Variants in PRXL2A observed in about 807,000 individuals in gnomAD.
The protein encoded by PRXL2A is peroxiredoxin like 2A, also known as peroxiredoxin-like 2A.
A neutral mutation model predicts 25.6 loss-of-function variants in PRXL2A; 26 were observed. The ratio of observed to expected loss-of-function variants is 1.02; its 90% CI spans 0.74 to 1.41. The LOEUF (loss-of-function observed/expected upper bound fraction) is 1.41, where lower values mean the gene tolerates loss of function less well. Among genes scored for constraint, PRXL2A ranks in the 40% most tolerant of loss-of-function variants. The pLI is 0.00. For missense variants in PRXL2A, 246 were observed against 273.9 expected, an observed-to-expected ratio of 0.90 and a Z score of 0.72; for synonymous variants, 98 against 102.9, an observed-to-expected ratio of 0.95 and a Z score of 0.29.
chr10:80,434,986 G>C lies in PRXL2A; in HGVS notation c.*2887G>C, dbSNP rs548644728. The C allele has an allele frequency of 1.5e-4, 23 of 152,370 alleles. No homozygotes were observed. Among genetic ancestry groups the C allele is most frequent in the African/African-American group, 5.5e-4 (23 of 41,592 alleles). The allele number at this position is 152,370 out of a possible 1,614,324, so 9.4% of individuals were successfully genotyped here. ...CCCAGCACTTTGGGTGGCCAAGGTG[G>C]GTGCATCACCTGAGGTCAGGAGTTC... is the stretch of plus-strand genomic sequence containing the variant. On this transcript the variant is annotated 3_prime_UTR_variant, in exon 6 of 6. Coordinates refer to ENST00000606162, the MANE Select transcript of PRXL2A (RefSeq NM_032333.5).
chr10:80,426,033 A>G lies in PRXL2A; in HGVS notation c.411+27A>G, dbSNP rs116495344. On this transcript the variant is annotated intron_variant, in intron 4 of 5. Transcript: ENST00000606162. ...TGTGTGTGATGGGAGGCTTTTAGAC[A>G]CAGACTGCTGGGGATTGTGCTCAGC... The G allele has an allele frequency of 1.7e-3, 2,699 of 1,613,758 alleles. 24 individuals are homozygous for G. The African/African-American group carries it at 0.03, about 18-fold the overall frequency.
chr10:80,412,166 C>A (rs1564687458), intron 1 of PRXL2A, among the ~76,000 whole-genome samples: 1 of 152,116 alleles, frequency 6.6e-6, no homozygotes, highest in Non-Finnish European at 1.5e-5. Flanking sequence ...AGAGCTAAGA[C>A]AACCTCATAG....
intron 3 of PRXL2A, 90 bp downstream of exon 3, chr10:80,422,598 G>C: frequency 1.1e-6 from 1 of 937,794 alleles, no homozygotes; most frequent in Non-Finnish European, 1.7e-6. Context: ...CGGTAAGCCA[G>C]CTTTAGCCTT....
At chr10:80,422,981 A>G (rs1372913320) in intron 3 of PRXL2A, among the ~76,000 whole-genome samples, 17 of 152,218 alleles carry the variant, frequency 1.1e-4, no homozygotes, top group South Asian at 2.1e-4. Flanking sequence ...GGGAGCTCTT[A>G]GAGTCCATCG....
chr10:80,408,852 C>T (rs867238634), intron 1 of PRXL2A, among the ~76,000 whole-genome samples: 26 of 152,312 alleles, frequency 1.7e-4, no homozygotes, highest in African/African-American at 5.0e-4. Flanking sequence ...CGCCACCCTG[C>T]GTGGCGGCCG....
chr10:80,431,196 C>T (rs1819361480), intron 5 of PRXL2A, among the ~76,000 whole-genome samples: 1 of 152,052 alleles, frequency 6.6e-6, no homozygotes. Flanking sequence ...CAGCACGCAG[C>T]CTATTAGTAT....
At chr10:80,431,651 C>T (rs1228977065) in intron 5 of PRXL2A, among the ~76,000 whole-genome samples, 1 of 152,062 alleles carries the variant, frequency 6.6e-6, no homozygotes, top group Non-Finnish European at 1.5e-5. Flanking sequence ...ATTTTTTTCT[C>T]TTCACCTGGT....
At chr10:80,426,156 T>C in intron 4 of PRXL2A, 150 bp downstream of exon 4, 1 of 881,998 alleles carries the variant, frequency 1.1e-6, no homozygotes, top group Non-Finnish European at 1.8e-6. Flanking sequence ...TTCAGCCCCC[T>C]GAGCAGAGCA....
At chr10:80,410,781 A>T (rs933482961) in intron 1 of PRXL2A, among the ~76,000 whole-genome samples, 1 of 152,146 alleles carries the variant, frequency 6.6e-6, no homozygotes, top group African/African-American at 2.4e-5. Context: ...ATCCACACCC[A>T]TATAACTTGA....
chr10:80,423,933 C>T (rs575568507), intron 3 of PRXL2A, among the ~76,000 whole-genome samples: 15 of 152,174 alleles, frequency 9.9e-5, no homozygotes, highest in Non-Finnish European at 2.1e-4. Flanking sequence ...TGTTAGAGGC[C>T]ACCTATGTAT....
chr10:80,408,392 G>GCACAGGCCCGAGCGC (rs1844340116), upstream of PRXL2A: 1 of 152,100 alleles, frequency 6.6e-6, no homozygotes, highest in African/African-American at 2.4e-5. Flanking sequence ...GACCGCTGGG[G>GCACAGGCCCGAGCGC]CACACGCCCG....
intron 5 of PRXL2A, 70 bp from the exon 6 acceptor site, chr10:80,431,916 G>A: frequency 3.7e-6 from 4 of 1,084,636 alleles, no homozygotes; most frequent in South Asian, 2.6e-5. Context: ...CAGACAGCTG[G>A]TCCTCGATGC....
At chr10:80,431,097 C>T (rs564127635) in intron 5 of PRXL2A, among the ~76,000 whole-genome samples, 35 of 152,224 alleles carry the variant, frequency 2.3e-4, no homozygotes, top group Admixed American at 7.2e-4. Flanking sequence ...CGAGTTTCAC[C>T]GTGTTGGCCA....
At position 80,422,496 on chromosome 10, in the gene PRXL2A, C is replaced by T. The variant is rs1420686002; in HGVS notation, c.258C>T (p.Phe86=). 3 of 1,613,756 alleles carry T rather than the reference C, an allele frequency of 1.9e-6. No individual in the cohort carries two copies. The highest frequency in any genetic ancestry group is 2.5e-6 in the Non-Finnish European group (3 of 1,179,822). Residue 86 remains phenylalanine, a synonymous_variant, in exon 3 of 6, where the codon TTC becomes TTT. Transcript: ENST00000606162. ...TGGCCGTGCGGAGGCCAGGCTGTTT[C>T]CTCTGTCGAGAGGTGAGTGCAGATG... ...VIMAVRRPGC[F]LCREEAADLS...
intron 3 of PRXL2A, 25 bp from the exon 4 acceptor site, chr10:80,425,841 C>T (rs534227355): frequency 6.2e-7 from 1 of 1,614,016 alleles, no homozygotes; most frequent in South Asian, 1.1e-5. Context: ...GGACAGATGT[C>T]CCTGAACCCT....
chr10:80,428,009 A>G (rs549566882), intron 5 of PRXL2A, among the ~76,000 whole-genome samples: 24 of 152,324 alleles, frequency 1.6e-4, no homozygotes, highest in Admixed American at 1.5e-3. Flanking sequence ...GATAGAAAAA[A>G]AAATAAGAGG....
At chr10:80,417,164 G>C (rs961605500) in intron 1 of PRXL2A, among the ~76,000 whole-genome samples, 1 of 152,218 alleles carries the variant, frequency 6.6e-6, no homozygotes, top group Non-Finnish European at 1.5e-5. Flanking sequence ...TGGTTACAGA[G>C]AGATAAACAA....
At chr10:80,427,645 G>A in intron 5 of PRXL2A, 149 bp downstream of exon 5, 2 of 722,178 alleles carry the variant, frequency 2.8e-6, no homozygotes, top group Middle Eastern at 3.1e-4. Context: ...AGAAGGGAAG[G>A]GAAGGCAGTT....
chr10:80,414,017 A>C (rs1844565901), intron 1 of PRXL2A: 1 of 265,644 alleles, frequency 3.8e-6, no homozygotes, highest in Middle Eastern at 4.9e-4. Context: ...AGTGTTGAGG[A>C]GCCTAGAATG....
Sources: gnomAD v4.1 joint callset for allele counts (sites outside exome capture counted in the v4.1 genomes callset) on GRCh38, gnomAD v4.1.1 for gene constraint, MANE v1.5 for transcripts, NCBI Gene and HGNC (gene_info 2026-07-23, HGNC 2026-07-21) for gene names.